Variants in CCSER1 observed in about 807,000 individuals in gnomAD.
The protein encoded by CCSER1 is coiled-coil serine rich protein 1.
In CCSER1, 41 loss-of-function variants were observed where a neutral mutation model predicts 82.0. The ratio of observed to expected loss-of-function variants is 0.50; its 90% CI spans 0.39 to 0.65. The LOEUF is 0.65. CCSER1 is among the 30% of genes least tolerant of loss of function. CCSER1 has a pLI of 0.00. For synonymous variants in CCSER1, 414 were observed against 383.9 expected (o/e 1.08, Z -0.92); for missense variants, 1,119 against 1,064.2 (o/e 1.05, Z -0.72).
rs549360756 is a variant in CCSER1, at chr4:91,384,046, G to A, written c.2218-214526G>A. Among the ~76,000 whole-genome samples, 8 of 152,184 alleles carry A rather than the reference G, an allele frequency of 5.3e-5. No individual in the cohort carries two copies. The South Asian group carries it at 1.7e-3, about 32-fold the overall frequency. Reference sequence around the variant, plus strand: ...GGCTCCCAGTGGGTAATCTATTCCTGTTCCAGTTGCTGTAGCTAAAGTGAA... The same window carrying A: ...GGCTCCCAGTGGGTAATCTATTCCTATTCCAGTTGCTGTAGCTAAAGTGAA... On this transcript the variant is annotated intron_variant, in intron 10 of 10. Transcript: ENST00000509176.
chr4:90,199,556 C>T (rs1195382267), intron 1 of CCSER1, among the ~76,000 whole-genome samples: 4 of 151,268 alleles, frequency 2.6e-5, no homozygotes, highest in South Asian at 4.2e-4. Context: ...GTACATAAAC[C>T]CAACTGTACA....
intron 10 of CCSER1, among the ~76,000 whole-genome samples, chr4:91,548,687 C>T (rs1762009825): frequency 6.6e-6 from 1 of 151,924 alleles, no homozygotes; most frequent in East Asian, 1.9e-4. Context: ...CAACTCTCTT[C>T]TATCTGGCAT....
intron 9 of CCSER1, among the ~76,000 whole-genome samples, chr4:90,923,712 A>T (rs1223568557): frequency 6.6e-6 from 1 of 152,214 alleles, no homozygotes. Flanking sequence ...ATTTGCAGAC[A>T]TGTAGAAGAT....
chr4:90,203,324 T>C (rs1040987293), intron 1 of CCSER1, among the ~76,000 whole-genome samples: 14 of 152,192 alleles, frequency 9.2e-5, no homozygotes, highest in African/African-American at 3.4e-4. Flanking sequence ...ATTAGGTATT[T>C]CTCCTAATGC....
chr4:90,324,463 G>A (rs1435047155), intron 3 of CCSER1, among the ~76,000 whole-genome samples: 1 of 149,080 alleles, frequency 6.7e-6, no homozygotes, highest in Non-Finnish European at 1.5e-5. Flanking sequence ...CTGCATAAAT[G>A]TCTTCTTTTG....
Position 91,166,138 on chromosome 4 carries a change from G to A in CCSER1, c.2217+80144G>A, listed in dbSNP as rs555220843. The stretch of plus-strand genomic sequence containing the variant: ...TTTATGAGTTACATCAGATACAGAA[G>A]TGAGGCAATCTTTAATAATTAAATG... On this transcript the variant is annotated intron_variant, in intron 10 of 10. Transcript: ENST00000509176. Among the ~76,000 whole-genome samples the A allele has an allele frequency of 2.8e-4, 43 of 152,322 alleles. No homozygotes were observed. In the South Asian group the frequency reaches 3.5e-3, roughly 12 times the overall value.
At chr4:90,359,820 G>GATATGTGTATAT (rs1160205219) in intron 3 of CCSER1, among the ~76,000 whole-genome samples, 2 of 148,722 alleles carry the variant, frequency 1.3e-5, no homozygotes. Flanking sequence ...TTTATATATA[G>GATATGTGTATAT]ATATGTGTAT....
intron 6 of CCSER1, among the ~76,000 whole-genome samples, chr4:90,644,661 C>T (rs1486823432): frequency 6.6e-6 from 1 of 151,856 alleles, no homozygotes; most frequent in East Asian, 1.9e-4. Context: ...TTGTTCCCCT[C>T]CCTCTGTCCA....
intron 9 of CCSER1, among the ~76,000 whole-genome samples, chr4:90,954,254 A>G (rs1390447214): frequency 6.6e-6 from 1 of 152,040 alleles, no homozygotes; most frequent in Non-Finnish European, 1.5e-5. Context: ...CATTTTGCAT[A>G]CCTCAAAGTA....
chr4:90,130,229 G>C (rs1578114970), intron 1 of CCSER1, among the ~76,000 whole-genome samples: 1 of 152,280 alleles, frequency 6.6e-6, no homozygotes, highest in East Asian at 1.9e-4. Context: ...GAGATTCCTT[G>C]TTCCCTGTCT....
intron 5 of CCSER1, among the ~76,000 whole-genome samples, chr4:90,553,939 G>A (rs1254663105): frequency 6.6e-6 from 1 of 152,162 alleles, no homozygotes; most frequent in Admixed American, 6.5e-5. Flanking sequence ...ATAATTTAAA[G>A]CATTCTAAAA....
chr4:91,284,671 A>T (rs569978356), intron 10 of CCSER1, among the ~76,000 whole-genome samples: 1 of 152,206 alleles, frequency 6.6e-6, no homozygotes, highest in East Asian at 1.9e-4. Context: ...CCGTCAGATA[A>T]TCATGGTTGT....
At chr4:91,128,493 A>C (rs1727704615) in intron 10 of CCSER1, among the ~76,000 whole-genome samples, 1 of 152,104 alleles carries the variant, frequency 6.6e-6, no homozygotes, top group Non-Finnish European at 1.5e-5. Flanking sequence ...TGATTGGAGA[A>C]CACAACAGGT....
At chr4:90,714,622 A>G (rs1454226586) in intron 6 of CCSER1, among the ~76,000 whole-genome samples, 4 of 152,022 alleles carry the variant, frequency 2.6e-5, no homozygotes, top group Non-Finnish European at 5.9e-5. Context: ...CTCAGCCTCC[A>G]AGTATCTATA....
chr4:91,554,770 C>T lies in CCSER1; in HGVS notation c.2218-43802C>T, dbSNP rs564817078. On this transcript the variant is annotated intron_variant, in intron 10 of 10. Transcript: ENST00000509176. ...GCAAAGCTGCAAAGACATCACACTA[C>T]TGATTTTAGAATATATCCTAAAGCT... is the stretch of plus-strand genomic sequence containing the variant. 1.7e-3 allele frequency among the ~76,000 whole-genome samples: 258 copies of T among 151,322 alleles called. 4 individuals are homozygous for T. Among genetic ancestry groups the T allele is most frequent in the Non-Finnish European group, 2.8e-3 (191 of 67,564 alleles).
At chr4:90,793,355 C>A (rs1436188163) in intron 7 of CCSER1, among the ~76,000 whole-genome samples, 1 of 152,130 alleles carries the variant, frequency 6.6e-6, no homozygotes, top group Admixed American at 6.5e-5. Flanking sequence ...CTCCAATAGG[C>A]CCCAGTGTGT....
At chr4:90,515,699 G>A (rs1017017821) in intron 5 of CCSER1, among the ~76,000 whole-genome samples, 22 of 152,098 alleles carry the variant, frequency 1.4e-4, no homozygotes, top group African/African-American at 5.3e-4. Context: ...ACATGTGATA[G>A]GTTCTATTAT....
intron 4 of CCSER1, among the ~76,000 whole-genome samples, chr4:90,463,147 G>A (rs1763161717): frequency 6.6e-6 from 1 of 152,102 alleles, no homozygotes; most frequent in Non-Finnish European, 1.5e-5. Flanking sequence ...AAATCATAAA[G>A]TTGTACAAAA....
chr4:91,184,569 A>G (rs924455766), intron 10 of CCSER1, among the ~76,000 whole-genome samples: 1 of 152,068 alleles, frequency 6.6e-6, no homozygotes, highest in Admixed American at 6.6e-5. Flanking sequence ...CTATGTGCCC[A>G]TTTTCTAATT....
Sources: gnomAD v4.1 joint callset for allele counts (sites outside exome capture counted in the v4.1 genomes callset) on GRCh38, gnomAD v4.1.1 for gene constraint, MANE v1.5 for transcripts, NCBI Gene and HGNC (gene_info 2026-07-23, HGNC 2026-07-21) for gene names.